The following DIP2C variants were observed in gnomAD, a reference collection of about 807,000 sequenced individuals.
DIP2C encodes the protein disco-interacting protein 2 homolog C.
Under a neutral mutation model 192.4 loss-of-function variants are expected in DIP2C, and 33 were observed. That is an observed-to-expected ratio of 0.17 (90% CI 0.13 to 0.23). DIP2C has a LOEUF of 0.23. Among genes scored for constraint, DIP2C ranks in the 10% least tolerant of loss-of-function variants. The pLI, the probability that DIP2C is intolerant of heterozygous loss-of-function variation, is 1.00. For synonymous variants in DIP2C, 979 were observed against 864.1 expected (o/e 1.13, Z -2.33); for missense variants, 1,537 against 2,110.1 (o/e 0.73, Z 5.32).
intron 2 of DIP2C, among the ~76,000 whole-genome samples, chr10:476,526 C>T (rs1023672643): frequency 6.6e-6 from 1 of 152,234 alleles, no homozygotes; most frequent in Admixed American, 6.5e-5. Context: ...ATTACTTCTG[C>T]TGTTTTCTTG....
intron 31 of DIP2C, among the ~76,000 whole-genome samples, chr10:316,419 C>G (rs2132358253): frequency 6.6e-6 from 1 of 152,330 alleles, no homozygotes; most frequent in South Asian, 2.1e-4. Context: ...CTTCCACCCA[C>G]TTTAGGTAAC....
chr10:446,957 T>C (rs963567095), intron 3 of DIP2C, among the ~76,000 whole-genome samples: 1 of 152,234 alleles, frequency 6.6e-6, no homozygotes, highest in Non-Finnish European at 1.5e-5. Context: ...GATATTCATA[T>C]CCCTTTTACA....
At chr10:601,370 CAT>C (rs1222091353) in intron 1 of DIP2C, among the ~76,000 whole-genome samples, 3 of 151,004 alleles carry the variant, frequency 2.0e-5, no homozygotes, top group Admixed American at 6.6e-5. Flanking sequence ...TGTCCAAATG[CAT>C]ATGTCAAAGT....
Position 363,453 on chromosome 10 carries a change from T to C in DIP2C, c.2478-142A>G, listed in dbSNP as rs1959783329. On this transcript the variant is annotated intron_variant, in intron 20 of 36. Coordinates refer to ENST00000280886, the MANE Select transcript of DIP2C (RefSeq NM_014974.3). This position sits in a 1 kb window ranked among gnomAD's most constrained non-coding sequence, Gnocchi z 5.4. The stretch of plus-strand genomic sequence containing the variant: ...CAAAACGGCCGCTGTACTTCCGAAT[T>C]TCCCCACACTCATCAGTACGGGAAG... The C allele has an allele frequency of 2.9e-6, 2 of 687,738 alleles. No homozygotes were observed. The highest frequency in any genetic ancestry group is 5.5e-5 in the East Asian group (2 of 36,438). The allele number at this position is 687,738 out of a possible 1,614,324, so 42.6% of individuals were successfully genotyped here. A position where few individuals can be genotyped will look rare whatever the true frequency, so the allele number is the denominator to read the frequency against.
At chr10:514,681 C>CT (rs1186482116) in intron 1 of DIP2C, among the ~76,000 whole-genome samples, 1 of 152,192 alleles carries the variant, frequency 6.6e-6, no homozygotes, top group African/African-American at 2.4e-5. Context: ...ACCGTATTTC[C>CT]TCATGGCTCC....
At chr10:353,196 C>T (rs1185095115) in intron 24 of DIP2C, among the ~76,000 whole-genome samples, 2 of 152,098 alleles carry the variant, frequency 1.3e-5, no homozygotes, top group Non-Finnish European at 2.9e-5. Context: ...AAAGAGTCTG[C>T]CCTTGTCTAA....
At chr10:476,606 G>C (rs1012531377) in intron 2 of DIP2C, among the ~76,000 whole-genome samples, 3 of 152,168 alleles carry the variant, frequency 2.0e-5, no homozygotes, top group Non-Finnish European at 4.4e-5. Flanking sequence ...TGCGGTGTCT[G>C]AACATTCTCC....
Position 674,789 on chromosome 10 carries a change from T to TATATATATATATAGAGAGAGAG in DIP2C, c.85+14704_85+14705insCTCTCTCTCTATATATATATAT. Reference sequence around the variant, plus strand: ...CATCTCAAATATATATATATATATATAGAGAGAGAGAGAGAGAGAGAGAGA... The same window carrying TATATATATATATAGAGAGAGAG: ...CATCTCAAATATATATATATATATATATATATATATATAGAGAGAGAGAGAGAGAGAGAGAGAGAGAGAGAGA... On this transcript the variant is annotated intron_variant, in intron 1 of 36. Transcript: ENST00000280886. Among the ~76,000 whole-genome samples, 23 of 62,472 alleles carry TATATATATATATAGAGAGAGAG rather than the reference T, an allele frequency of 3.7e-4. 1 individual carries two copies. Among genetic ancestry groups the TATATATATATATAGAGAGAGAG allele is most frequent in the African/African-American group, 1.4e-3 (16 of 11,050 alleles). The allele number at this position is 62,472 out of a possible 152,430, so 41.0% of individuals were successfully genotyped here.
At chr10:606,392 C>T (rs1852477937) in intron 1 of DIP2C, among the ~76,000 whole-genome samples, 1 of 151,416 alleles carries the variant, frequency 6.6e-6, no homozygotes, top group East Asian at 1.9e-4. Context: ...GATCTCACGG[C>T]CCCGCTGCCG....
At chr10:597,019 T>A (rs1428814092) in intron 1 of DIP2C, among the ~76,000 whole-genome samples, 1 of 152,138 alleles carries the variant, frequency 6.6e-6, no homozygotes, top group African/African-American at 2.4e-5. Context: ...CTGTGTGAGA[T>A]GTGTGTTTGC....
chr10:357,463 AT>A lies in DIP2C; in HGVS notation c.2904+364del, dbSNP rs1959136563. 5.9e-5 allele frequency among the ~76,000 whole-genome samples: 9 copies of A among 152,268 alleles called. No individual in the cohort carries two copies. The South Asian group carries it at 1.9e-3, about 32-fold the overall frequency. ...GTGCGCGGGACAAGGACTGCCAGAC[AT>A]TTGCCTCGGTCCTGCGAGTCGTGGG... On this transcript the variant is annotated intron_variant, in intron 23 of 36. Coordinates refer to ENST00000280886, the MANE Select transcript of DIP2C (RefSeq NM_014974.3).
intron 10 of DIP2C, among the ~76,000 whole-genome samples, chr10:394,859 T>TGC (rs1166911561): frequency 7.5e-6 from 1 of 132,606 alleles, no homozygotes; most frequent in Non-Finnish European, 1.6e-5. Context: ...GGACATTACC[T>TGC]CACACAGTGG....
At chr10:656,933 G>T (rs1314444430) in intron 1 of DIP2C, among the ~76,000 whole-genome samples, 1 of 152,240 alleles carries the variant, frequency 6.6e-6, no homozygotes, top group Non-Finnish European at 1.5e-5. Flanking sequence ...AACATCCACT[G>T]TGAGGAACTC....
chr10:493,090 C>CT (rs1223488399), intron 1 of DIP2C, among the ~76,000 whole-genome samples: 3 of 152,228 alleles, frequency 2.0e-5, no homozygotes, highest in Admixed American at 1.3e-4. Context: ...GAAACACCCC[C>CT]TCCCTTCCAG....
At chr10:580,714 G>T (rs1298543027) in intron 1 of DIP2C, among the ~76,000 whole-genome samples, 3 of 152,100 alleles carry the variant, frequency 2.0e-5, no homozygotes, top group African/African-American at 7.2e-5. Flanking sequence ...CTGCAGAAAG[G>T]CTTCCAGTTC....
chr10:535,175 A>G (rs1409147101), intron 1 of DIP2C, among the ~76,000 whole-genome samples: 1 of 151,918 alleles, frequency 6.6e-6, no homozygotes, highest in East Asian at 1.9e-4. Flanking sequence ...ACCCTCCTCT[A>G]CCGCAGCCTG....
chr10:577,071 T>A (rs1850209863), intron 1 of DIP2C, among the ~76,000 whole-genome samples: 1 of 152,242 alleles, frequency 6.6e-6, no homozygotes, highest in Admixed American at 6.5e-5. Flanking sequence ...TCAGCATGTT[T>A]ACATTTGAAC....
At chr10:684,063 T>A (rs1831227782) in intron 1 of DIP2C, among the ~76,000 whole-genome samples, 1 of 152,270 alleles carries the variant, frequency 6.6e-6, no homozygotes, top group Admixed American at 6.5e-5. Context: ...GTGCCCTTCA[T>A]GTGGGTTCGC....
At chr10:576,655 T>C (rs943840497) in intron 1 of DIP2C, among the ~76,000 whole-genome samples, 2 of 152,142 alleles carry the variant, frequency 1.3e-5, no homozygotes, top group African/African-American at 4.8e-5. Flanking sequence ...AGACCTATAA[T>C]CCCAGCACTT....
Sources: gnomAD v4.1 joint callset for allele counts (sites outside exome capture counted in the v4.1 genomes callset) on GRCh38, gnomAD v4.1.1 for gene constraint, Gnocchi (gnomAD v3.1) non-coding constraint, MANE v1.5 for transcripts, NCBI Gene and HGNC (gene_info 2026-07-23, HGNC 2026-07-21) for gene names.